Variants in NBAS observed in about 807,000 individuals in gnomAD.
NBAS encodes the protein NBAS subunit of NRZ tethering complex.
A neutral mutation model predicts 302.5 loss-of-function variants in NBAS; 219 were observed. The ratio of observed to expected loss-of-function variants is 0.72; its 90% CI spans 0.65 to 0.81. NBAS has a LOEUF of 0.81. Among genes scored for constraint, NBAS ranks in the 30% least tolerant of loss-of-function variants. The probability of loss-of-function intolerance (pLI) is 0.00; values close to 1 mark genes in which losing one functional copy is unlikely to be tolerated. For synonymous variants in NBAS, 1,118 were observed against 1,021.6 expected (o/e 1.09, Z -1.80); for missense variants, 2,932 against 2,841.6 (o/e 1.03, Z -0.72).
the NBAS span, among the ~76,000 whole-genome samples, chr2:15,088,333 A>T: frequency 3.3e-5 from 5 of 152,198 alleles, no homozygotes; most frequent in Admixed American, 3.3e-4. Context: ...TAGAAAAATC[A>T]ATCTGACAAG....
chr2:15,264,520 C>T (rs888126936), intron 44 of NBAS, among the ~76,000 whole-genome samples: 5 of 152,164 alleles, frequency 3.3e-5, no homozygotes, highest in Non-Finnish European at 7.4e-5. Context: ...ATTTTCCAAG[C>T]ACAGAGAAGG....
chr2:15,424,266 A>C, intron 23 of NBAS, 49 bp downstream of exon 23: 1 of 1,608,388 alleles, frequency 6.2e-7, no homozygotes, highest in Non-Finnish European at 8.5e-7. Flanking sequence ...CTAAGGATCC[A>C]AGGCAGTTCC....
In NBAS at chr2:15,388,128, T is replaced by G. The variant is rs1220726803; in HGVS notation, c.3258-4811A>C. Among the ~76,000 whole-genome samples, 13 of 152,356 alleles carry G rather than the reference T, an allele frequency of 8.5e-5. No homozygotes were observed. In the East Asian group the frequency reaches 2.5e-3, roughly 29 times the overall value. ...AGAATTGACACCTTTCCACTATTGA[T>G]TCTTCCAATCTATAAACATGAGGTA... On this transcript the variant is annotated intron_variant, in intron 28 of 51. Transcript: ENST00000281513.
the NBAS span, among the ~76,000 whole-genome samples, chr2:15,033,608 C>T: frequency 1.3e-5 from 2 of 151,944 alleles, no homozygotes; most frequent in Non-Finnish European, 2.9e-5. Context: ...GGGGATAGGG[C>T]CTTTGGGAGA....
At chr2:15,101,954 C>T in the NBAS span, among the ~76,000 whole-genome samples, 2 of 152,224 alleles carry the variant, frequency 1.3e-5, no homozygotes, top group African/African-American at 4.8e-5. Flanking sequence ...TCTCCATGGC[C>T]TTGTGGGCCA....
At chr2:15,161,745 TA>T in the NBAS span, among the ~76,000 whole-genome samples, 1 of 152,152 alleles carries the variant, frequency 6.6e-6, no homozygotes, top group Non-Finnish European at 1.5e-5. Context: ...GAGATCCACC[TA>T]AGTCTCCTGA....
At chr2:15,494,588 T>G (rs768510372) in intron 11 of NBAS, among the ~76,000 whole-genome samples, 2 of 152,200 alleles carry the variant, frequency 1.3e-5, no homozygotes, top group Non-Finnish European at 2.9e-5. Flanking sequence ...GATATTTAAT[T>G]CTTCTAACTA....
In NBAS at chr2:15,553,489, A is replaced by G. The variant is rs764177889; in HGVS notation, c.288-16T>C. The G allele has an allele frequency of 2.5e-6, 4 of 1,601,906 alleles. No homozygotes were observed. In the South Asian group the frequency reaches 3.3e-5, roughly 13 times the overall value. On this transcript the variant is annotated splice_polypyrimidine_tract_variant and intron_variant, in intron 4 of 51. Transcript: ENST00000281513. ...CTTTCCATTGCTTTTATGGAGAAGA[A>G]AGAGGGGGAAGAAAATCTATTATGA...
At chr2:15,103,490 A>G in the NBAS span, among the ~76,000 whole-genome samples, 1 of 152,086 alleles carries the variant, frequency 6.6e-6, no homozygotes, top group African/African-American at 2.4e-5. Flanking sequence ...ACACTGTCCT[A>G]GGTTTTTGCT....
At chr2:14,855,019 C>A in the NBAS span, among the ~76,000 whole-genome samples, 1 of 152,094 alleles carries the variant, frequency 6.6e-6, no homozygotes, top group African/African-American at 2.4e-5. Flanking sequence ...ACCCCTTCCA[C>A]CTGCTAGAGG....
At chr2:14,796,441 TAAC>T in the NBAS span, among the ~76,000 whole-genome samples, 1 of 152,360 alleles carries the variant, frequency 6.6e-6, no homozygotes, top group Middle Eastern at 3.4e-3. Flanking sequence ...ATTTACATCT[TAAC>T]AATATTGAAT....
At chr2:15,519,415 A>G (rs13019216) in intron 9 of NBAS, among the ~76,000 whole-genome samples, 96,788 of 151,766 alleles carry the variant, frequency 0.64, 31,583 homozygotes, top group Non-Finnish European at 0.68. Flanking sequence ...GTTCTCATTT[A>G]GTTCAACTTC....
intron 35 of NBAS, 127 bp downstream of exon 35, chr2:15,351,865 T>C (rs1211290838): frequency 4.4e-6 from 3 of 685,600 alleles, no homozygotes; most frequent in Non-Finnish European, 7.8e-6. Flanking sequence ...AAAAGTGGTC[T>C]GCATGCACAC....
In NBAS at chr2:15,234,708, G is replaced by C. The variant is rs767134813; in HGVS notation, c.5983C>G (p.Arg1995Gly). 7.1e-5 allele frequency: 114 copies of C among 1,613,950 alleles called. No individual in the cohort carries two copies. The highest frequency in any genetic ancestry group is 8.9e-5 in the Non-Finnish European group (105 of 1,179,978). The part of the protein sequence containing the change: ...QKYSHLYDLS[R>G]SEKEKLHDEA... ...TCATGAAGTTTCTCTTTTTCTGATC[G>C]GGACAGATCATAGAGGTGACTGTAT... Residue 1995 changes from arginine (R) to glycine (G), a missense_variant, in exon 46 of 52, where the codon CGA becomes GGA. Coordinates refer to ENST00000281513, the MANE Select transcript of NBAS (RefSeq NM_015909.4).
chr2:15,312,946 A>G (rs1034117613), intron 38 of NBAS, among the ~76,000 whole-genome samples: 13 of 152,138 alleles, frequency 8.5e-5, no homozygotes, highest in Non-Finnish European at 1.8e-4. Context: ...TAGCCCCCCA[A>G]TGCTGCTCTA....
chr2:14,990,213 G>C, the NBAS span, among the ~76,000 whole-genome samples: 1 of 145,434 alleles, frequency 6.9e-6, no homozygotes, highest in African/African-American at 2.6e-5. Context: ...AGGAGTTTGA[G>C]AGAAGCCTGG....
intron 40 of NBAS, among the ~76,000 whole-genome samples, chr2:15,296,684 T>C (rs1670565046): frequency 1.3e-5 from 2 of 151,502 alleles, no homozygotes; most frequent in Admixed American, 1.3e-4. Context: ...ATTAAGAAAA[T>C]GAAACTTAGC....
the NBAS span, among the ~76,000 whole-genome samples, chr2:15,033,905 ACCACT>A: frequency 4.3e-4 from 65 of 151,576 alleles, no homozygotes; most frequent in African/African-American, 1.6e-3. Context: ...CTGAGATCAC[ACCACT>A]CCACTCCACT....
At chr2:14,862,194 A>C in the NBAS span, among the ~76,000 whole-genome samples, 5 of 151,288 alleles carry the variant, frequency 3.3e-5, no homozygotes, top group African/African-American at 1.2e-4. Context: ...GCTGGAGTGC[A>C]GTGGCACAGT....
Sources: gnomAD v4.1 joint callset for allele counts (sites outside exome capture counted in the v4.1 genomes callset) on GRCh38, gnomAD v4.1.1 for gene constraint, MANE v1.5 for transcripts, NCBI Gene and HGNC (gene_info 2026-07-23, HGNC 2026-07-21) for gene names.